Variants in TBC1D5 observed in about 807,000 individuals in gnomAD.
The protein encoded by TBC1D5 is TBC1 domain family, member 5.
A neutral mutation model predicts 100.3 loss-of-function variants in TBC1D5; 75 were observed. That is an observed-to-expected ratio of 0.75 (90% CI 0.62 to 0.91). The LOEUF is 0.91. Among genes scored for constraint, TBC1D5 ranks in the 40% least tolerant of loss-of-function variants. The probability of loss-of-function intolerance (pLI) is 0.00; values close to 1 mark genes in which losing one functional copy is unlikely to be tolerated. For missense variants in TBC1D5, 910 were observed against 942.4 expected (o/e 0.97, Z 0.45); for synonymous variants, 323 against 325.6 (o/e 0.99, Z 0.09).
At chr3:17,682,471 T>C (rs1330834615) in intron 1 of TBC1D5, among the ~76,000 whole-genome samples, 2 of 151,508 alleles carry the variant, frequency 1.3e-5, no homozygotes, top group East Asian at 1.9e-4. Context: ...ACAAAATGCC[T>C]ATGTTGGCTA....
At chr3:17,217,615 CA>C (rs2073806331) in intron 17 of TBC1D5, among the ~76,000 whole-genome samples, 1 of 152,006 alleles carries the variant, frequency 6.6e-6, no homozygotes, top group African/African-American at 2.4e-5. Context: ...TGCAATTTTC[CA>C]ATGGCTCATG....
At chr3:17,391,020 G>A (rs543115153) in intron 8 of TBC1D5, among the ~76,000 whole-genome samples, 3 of 152,078 alleles carry the variant, frequency 2.0e-5, no homozygotes, top group South Asian at 4.1e-4. Flanking sequence ...AATTATGTGG[G>A]ACCAGGAAAT....
intron 3 of TBC1D5, among the ~76,000 whole-genome samples, chr3:17,494,008 G>A (rs2095670844): frequency 6.6e-6 from 1 of 152,160 alleles, no homozygotes; most frequent in South Asian, 2.1e-4. Context: ...GAGGCACTCT[G>A]ACTAGTTTTC....
intron 14 of TBC1D5, among the ~76,000 whole-genome samples, chr3:17,297,924 A>G (rs2082428400): frequency 6.6e-6 from 1 of 152,050 alleles, no homozygotes; most frequent in African/African-American, 2.4e-5. Flanking sequence ...AACTGTGAAC[A>G]CTATTGTAGT....
intron 19 of TBC1D5, among the ~76,000 whole-genome samples, chr3:17,175,596 G>A (rs995364461): frequency 1.3e-5 from 2 of 152,186 alleles, no homozygotes; most frequent in African/African-American, 4.8e-5. Context: ...AATAAAAACA[G>A]AAACATAGCT....
intron 2 of TBC1D5, among the ~76,000 whole-genome samples, chr3:17,607,495 A>C (rs1439000725): frequency 1.3e-5 from 2 of 152,068 alleles, no homozygotes; most frequent in African/African-American, 4.8e-5. Context: ...TTGTATTTGA[A>C]ACCTGCAGTT....
intron 19 of TBC1D5, among the ~76,000 whole-genome samples, chr3:17,180,465 G>C (rs760991328): frequency 6.6e-6 from 1 of 152,184 alleles, no homozygotes; most frequent in Non-Finnish European, 1.5e-5. Context: ...GATACTTATT[G>C]CATGTGTGAC....
rs181222448 is a variant in TBC1D5 at position 17,448,979 on chromosome 3, G to T, written c.98-20460C>A. On this transcript the variant is annotated intron_variant, in intron 3 of 21. Transcript: ENST00000253692. Reference sequence around the variant, plus strand: ...CTGGCAAGATGGCCAAAAAGGAACAGCTCCCAGAGAGACCAATGCAGAAGG... The same window carrying T: ...CTGGCAAGATGGCCAAAAAGGAACATCTCCCAGAGAGACCAATGCAGAAGG... 1.1e-3 allele frequency among the ~76,000 whole-genome samples: 160 copies of T among 152,334 alleles called. 2 individuals are homozygous for T. The South Asian group carries it at 0.018, about 18-fold the overall frequency.
intron 13 of TBC1D5, among the ~76,000 whole-genome samples, chr3:17,323,245 G>C (rs1330536117): frequency 2.6e-5 from 4 of 152,196 alleles, no homozygotes; most frequent in Non-Finnish European, 5.9e-5. Flanking sequence ...TTGAAGATAT[G>C]AGATGCAGAC....
chr3:17,555,876 A>C (rs1461595367), intron 2 of TBC1D5, among the ~76,000 whole-genome samples: 1 of 152,078 alleles, frequency 6.6e-6, no homozygotes, highest in Non-Finnish European at 1.5e-5. Flanking sequence ...GCCATGACCG[A>C]CCTTTCCATT....
intron 1 of TBC1D5, among the ~76,000 whole-genome samples, chr3:17,705,057 C>A (rs2073866865): frequency 7.2e-6 from 1 of 138,092 alleles, no homozygotes; most frequent in African/African-American, 2.7e-5. Context: ...GGGGCTGACC[C>A]CCCCACCTCC....
intron 19 of TBC1D5, 57 bp from the exon 21 acceptor site, chr3:17,167,885 G>A: frequency 8.1e-7 from 1 of 1,239,588 alleles, no homozygotes; most frequent in Non-Finnish European, 1.1e-6. Flanking sequence ...CCTACCTGCT[G>A]CCACATCATA....
intron 15 of TBC1D5, among the ~76,000 whole-genome samples, chr3:17,261,204 T>TAAATCTCTATTATCTCTATTA (rs2078247977): frequency 6.6e-6 from 1 of 152,204 alleles, no homozygotes; most frequent in South Asian, 2.1e-4. Flanking sequence ...TTATCTCTAT[T>TAAATCTCTATTATCTCTATTA]AAATAAGGTT....
At chr3:17,506,007 T>G (rs2095840936) in intron 3 of TBC1D5, among the ~76,000 whole-genome samples, 1 of 152,174 alleles carries the variant, frequency 6.6e-6, no homozygotes, top group Non-Finnish European at 1.5e-5. Flanking sequence ...AGAAATGTTT[T>G]TAAAAATTAC....
At chr3:17,332,124 C>G (rs978022078) in intron 13 of TBC1D5, among the ~76,000 whole-genome samples, 11 of 152,126 alleles carry the variant, frequency 7.2e-5, no homozygotes, top group Non-Finnish European at 1.6e-4. Context: ...TCGGGGGCAT[C>G]TGTAATAGTT....
intron 2 of TBC1D5, among the ~76,000 whole-genome samples, chr3:17,548,774 C>A (rs1193845218): frequency 6.6e-6 from 1 of 152,086 alleles, no homozygotes; most frequent in Non-Finnish European, 1.5e-5. Context: ...ATTCATTCAT[C>A]TGGGCTAACA....
chr3:17,261,577 G>A (rs1261646460), intron 15 of TBC1D5, among the ~76,000 whole-genome samples: 1 of 152,070 alleles, frequency 6.6e-6, no homozygotes, highest in Admixed American at 6.5e-5. Flanking sequence ...AGGCTCAAGT[G>A]ATCCTCCCAC....
At chr3:17,504,748 A>G (rs1385650535) in intron 3 of TBC1D5, among the ~76,000 whole-genome samples, 1 of 152,230 alleles carries the variant, frequency 6.6e-6, no homozygotes, top group Non-Finnish European at 1.5e-5. Flanking sequence ...ATAGTACTTC[A>G]GACACCATTT....
intron 2 of TBC1D5, among the ~76,000 whole-genome samples, chr3:17,530,744 C>A (rs2096210236): frequency 6.6e-6 from 1 of 152,192 alleles, no homozygotes; most frequent in African/African-American, 2.4e-5. Context: ...ACACGATTAT[C>A]TCAATAGATG....
Sources: allele counts gnomAD v4.1 joint callset (sites outside exome capture counted in the v4.1 genomes callset), GRCh38; gene constraint gnomAD v4.1.1; transcripts MANE v1.5; gene names NCBI Gene and HGNC (gene_info 2026-07-23, HGNC 2026-07-21).